KLF3: variants seen among roughly 807,000 people sequenced by gnomAD.
KLF3 encodes Krueppel-like factor 3.
KLF3 carries 6 observed loss-of-function variants against 32.7 expected under a neutral mutation model. That is an observed-to-expected ratio of 0.18 (90% CI 0.10 to 0.36). The LOEUF (loss-of-function observed/expected upper bound fraction) is 0.36. Ranked by LOEUF, KLF3 falls within the 10% of genes least tolerant of loss-of-function variation. The pLI is 1.00. For synonymous variants in KLF3, 145 were observed against 172.8 expected (o/e 0.84, Z 1.26); for missense variants, 338 against 449.7 (o/e 0.75, Z 2.25).
intron 1 of KLF3, among the ~76,000 whole-genome samples, chr4:38,677,590 A>G (rs971765640): frequency 3.9e-5 from 6 of 152,166 alleles, no homozygotes; most frequent in African/African-American, 1.4e-4. Context: ...TGAAGTGGGG[A>G]GATGCTGGCC....
In KLF3 at chr4:38,674,586, C is replaced by T. The variant is rs1051322502; in HGVS notation, c.-39-6001C>T. Reference sequence around the variant, plus strand: ...TAGTGTATTGCTCCGTATGCCTAGCCGAGGTCAGCTGGGAGACGGAAGTTT... The same window carrying T: ...TAGTGTATTGCTCCGTATGCCTAGCTGAGGTCAGCTGGGAGACGGAAGTTT... On this transcript the variant is annotated intron_variant, in intron 1 of 5. Coordinates refer to ENST00000261438, the MANE Select transcript of KLF3 (RefSeq NM_016531.6). This position sits in a 1 kb window ranked among gnomAD's most constrained non-coding sequence, Gnocchi z 4.1. 3.3e-5 allele frequency among the ~76,000 whole-genome samples: 5 copies of T among 151,996 alleles called. No homozygotes were observed. Among genetic ancestry groups the T allele is most frequent in the Admixed American group, 1.3e-4 (2 of 15,258 alleles).
chr4:38,669,893 CAAAAAAAAAAAAAAAAAA>C (rs60339860), intron 1 of KLF3, among the ~76,000 whole-genome samples: 1 of 41,174 alleles, frequency 2.4e-5, no homozygotes, highest in Non-Finnish European at 4.0e-5. Flanking sequence ...GACTCTGTCT[CAAAAAAAAAAAAAAAAAA>C]AAAAAAAAAA....
intron 2 of KLF3, among the ~76,000 whole-genome samples, chr4:38,685,428 C>T (rs1722663371): frequency 6.6e-6 from 1 of 152,164 alleles, no homozygotes; most frequent in South Asian, 2.1e-4. Context: ...CATTTGAGAA[C>T]AGACTTATCA....
At chr4:38,665,725 G>A (rs1275349927) in intron 1 of KLF3, among the ~76,000 whole-genome samples, 1 of 152,194 alleles carries the variant, frequency 6.6e-6, no homozygotes, top group African/African-American at 2.4e-5. Flanking sequence ...TACCTGAAAT[G>A]TGCCAGCAAA....
At chr4:38,694,115 CTTT>C (rs1037180836) in intron 4 of KLF3, among the ~76,000 whole-genome samples, 1 of 152,194 alleles carries the variant, frequency 6.6e-6, no homozygotes, top group African/African-American at 2.4e-5. Flanking sequence ...GCAATGCCAA[CTTT>C]TTTGTTGTTT....
chr4:38,678,731 T>G (rs909276646), intron 1 of KLF3, among the ~76,000 whole-genome samples: 1 of 151,238 alleles, frequency 6.6e-6, no homozygotes, highest in African/African-American at 2.4e-5. Context: ...GGGATGGGGG[T>G]TTTTAACACT....
chr4:38,665,048 A>G (rs1721981820), intron 1 of KLF3, among the ~76,000 whole-genome samples: 2 of 143,458 alleles, frequency 1.4e-5, no homozygotes, highest in South Asian at 4.7e-4. Flanking sequence ...CGCCCGCCAC[A>G]GCAAACTTGG....
At chr4:38,667,600 G>T (rs1722083557) in intron 1 of KLF3, among the ~76,000 whole-genome samples, 3 of 152,238 alleles carry the variant, frequency 2.0e-5, no homozygotes. Context: ...TCCTGGCAAA[G>T]AAACCTAAAG....
chr4:38,668,063 CAA>C (rs1377293101), intron 1 of KLF3, among the ~76,000 whole-genome samples: 1 of 152,174 alleles, frequency 6.6e-6, no homozygotes. Context: ...CTGGCATTAA[CAA>C]ATTCATTTAA....
At chr4:38,676,389 C>T (rs1241717489) in intron 1 of KLF3, among the ~76,000 whole-genome samples, 1 of 152,032 alleles carries the variant, frequency 6.6e-6, no homozygotes, top group African/African-American at 2.4e-5. Context: ...TGCAGTGAGC[C>T]GAGATCGTTC....
chr4:38,680,787 A>G, intron 2 of KLF3, 105 bp downstream of exon 2: 1 of 865,458 alleles, frequency 1.2e-6, no homozygotes, highest in Non-Finnish European at 1.9e-6. Context: ...GTGGTGGCTC[A>G]CGCCTGTAAT....
intron 2 of KLF3, 95 bp downstream of exon 2, chr4:38,680,777 G>C (rs921911116): frequency 4.4e-5 from 46 of 1,054,536 alleles, no homozygotes; most frequent in Middle Eastern, 2.1e-4. Context: ...ATGGCCGGGC[G>C]TGGTGGCTCA....
chr4:38,693,957 G>T (rs1722965045), intron 4 of KLF3, among the ~76,000 whole-genome samples: 1 of 152,166 alleles, frequency 6.6e-6, no homozygotes, highest in Non-Finnish European at 1.5e-5. Context: ...GAATGAGAGA[G>T]AAATCAGGAA....
chr4:38,667,152 C>T (rs979701600), intron 1 of KLF3, among the ~76,000 whole-genome samples: 1 of 152,302 alleles, frequency 6.6e-6, no homozygotes, highest in South Asian at 2.1e-4. Context: ...AACACCTCCA[C>T]CCCCCTGTTG....
intron 1 of KLF3, among the ~76,000 whole-genome samples, chr4:38,666,664 A>C (rs1722053265): frequency 1.3e-5 from 2 of 152,256 alleles, no homozygotes; most frequent in African/African-American, 4.8e-5. Flanking sequence ...AATTTCTATA[A>C]ACGTGTGTAT....
At chr4:38,693,200 T>G (rs1287993704) in intron 4 of KLF3, among the ~76,000 whole-genome samples, 1 of 149,962 alleles carries the variant, frequency 6.7e-6, no homozygotes, top group African/African-American at 2.4e-5. Flanking sequence ...TCCTCACTAC[T>G]TTATGTTCAC....
intron 5 of KLF3, 107 bp from the exon 6 acceptor site, chr4:38,696,975 C>A: frequency 1.1e-6 from 1 of 930,458 alleles, no homozygotes; most frequent in Non-Finnish European, 1.6e-6. Context: ...TATTGAAGAA[C>A]AAATGTATGA....
chr4:38,699,172 T>C lies in KLF3; in HGVS notation c.*1909T>C, dbSNP rs1200847317. 1 of 152,200 alleles carries C rather than the reference T, an allele frequency of 6.6e-6. No homozygotes were observed. Among genetic ancestry groups the C allele is most frequent in the East Asian group, 1.9e-4 (1 of 5,202 alleles). The allele number at this position is 152,200 out of a possible 1,614,324, so 9.4% of individuals were successfully genotyped here. A position where few individuals can be genotyped will look rare whatever the true frequency, so the allele number is the denominator to read the frequency against. On this transcript the variant is annotated 3_prime_UTR_variant, in exon 6 of 6. Coordinates refer to ENST00000261438, the MANE Select transcript of KLF3 (RefSeq NM_016531.6). ...CTTGGCACTTGGGTTTGATTTTCCT[T>C]TTTTTAAAGCACTGCAAAACTTCTT... is the stretch of plus-strand genomic sequence containing the variant.
intron 4 of KLF3, among the ~76,000 whole-genome samples, chr4:38,692,215 G>C (rs1264668362): frequency 6.6e-6 from 1 of 152,216 alleles, no homozygotes; most frequent in African/African-American, 2.4e-5. Flanking sequence ...ATATGTATTA[G>C]CTCTGTAACT....
Sources: gnomAD v4.1 joint callset for allele counts (sites outside exome capture counted in the v4.1 genomes callset) on GRCh38, gnomAD v4.1.1 for gene constraint, Gnocchi (gnomAD v3.1) non-coding constraint, MANE v1.5 for transcripts, NCBI Gene and HGNC (gene_info 2026-07-23, HGNC 2026-07-21) for gene names.